The following PRDM6 variants were observed in gnomAD, a reference collection of about 807,000 sequenced individuals.
The protein encoded by PRDM6 is putative histone-lysine N-methyltransferase PRDM6.
A neutral mutation model predicts 60.8 loss-of-function variants in PRDM6; 25 were observed. That is an observed-to-expected ratio of 0.41 (90% CI 0.30 to 0.57). PRDM6 has a LOEUF of 0.57. Among genes scored for constraint, PRDM6 ranks in the 20% least tolerant of loss-of-function variants. PRDM6 has a pLI of 0.27. For missense variants in PRDM6, 839 were observed against 821.3 expected, an observed-to-expected ratio of 1.02 and a Z score of -0.26; for synonymous variants, 407 against 357.4, an observed-to-expected ratio of 1.14 and a Z score of -1.57.
chr5:123,117,366 G>T (rs1186861917), intron 3 of PRDM6, among the ~76,000 whole-genome samples: 1 of 152,162 alleles, frequency 6.6e-6, no homozygotes, highest in African/African-American at 2.4e-5. Context: ...GGATTGTCCT[G>T]CCCTAGAAGG....
At chr5:123,135,205 G>A (rs1277926352) in intron 3 of PRDM6, among the ~76,000 whole-genome samples, 1 of 152,114 alleles carries the variant, frequency 6.6e-6, no homozygotes, top group Non-Finnish European at 1.5e-5. Context: ...CTACACAAGT[G>A]GGAAGTGTTA....
intron 7 of PRDM6, among the ~76,000 whole-genome samples, chr5:123,181,835 G>A (rs904339611): frequency 5.9e-5 from 9 of 152,086 alleles, no homozygotes; most frequent in African/African-American, 2.2e-4. Context: ...AGAGTTCTCT[G>A]GTCTGGGTCC....
chr5:123,105,781 C>T (rs543796750), intron 3 of PRDM6, among the ~76,000 whole-genome samples: 6 of 152,318 alleles, frequency 3.9e-5, no homozygotes, highest in South Asian at 2.1e-4. Flanking sequence ...ATACAGACTT[C>T]GGTATAAGTA....
chr5:123,161,979 A>C (rs1157752768), intron 5 of PRDM6, among the ~76,000 whole-genome samples: 1 of 152,146 alleles, frequency 6.6e-6, no homozygotes, highest in Non-Finnish European at 1.5e-5. Context: ...AGGTGGTGAG[A>C]AGTAGTTGGA....
chr5:123,143,399 G>A (rs1183758621), intron 3 of PRDM6, among the ~76,000 whole-genome samples: 2 of 152,074 alleles, frequency 1.3e-5, no homozygotes, highest in East Asian at 1.9e-4. Context: ...TCAATCCCAC[G>A]TCCTGTCTAG....
At chr5:123,155,541 G>A (rs1348463777) in intron 3 of PRDM6, among the ~76,000 whole-genome samples, 2 of 151,976 alleles carry the variant, frequency 1.3e-5, no homozygotes, top group African/African-American at 4.8e-5. Flanking sequence ...TGTCAGTGCG[G>A]CCTCTCCTTT....
chr5:123,130,174 CCCCTT>C (rs1230344005), intron 3 of PRDM6, among the ~76,000 whole-genome samples: 2,693 of 30,846 alleles, frequency 0.087, 314 homozygotes, highest in Non-Finnish European at 0.11. Context: ...CCCCTCCCCT[CCCCTT>C]CCCTTCCCTT....
At position 123,125,210 on chromosome 5, in the gene PRDM6, A is replaced by G. The variant is rs569600234; in HGVS notation, c.900+25249A>G. On this transcript the variant is annotated intron_variant, in intron 3 of 7. Transcript: ENST00000407847. ...ATGAGTGGCAAAAAAGCCACAGTGC[A>G]TAGATCCCAGGGACTTCAGCTGTGG... 2.7e-5 allele frequency among the ~76,000 whole-genome samples: 4 copies of G among 149,844 alleles called. 1 individual carries two copies. The highest frequency in any genetic ancestry group is 9.9e-5 in the African/African-American group (4 of 40,296).
Position 123,090,522 on chromosome 5 carries a change from G to A in PRDM6, c.508G>A (p.Ala170Thr). Residue 170 changes from alanine to threonine, a missense_variant, in exon 2 of 8, where the codon GCA becomes ACA. Physicochemically the swap from Ala to Thr is moderately conservative, Grantham distance 58 (BLOSUM62 0). Coordinates refer to ENST00000407847, the MANE Select transcript of PRDM6 (RefSeq NM_001136239.4). ...GRGAPRFRCSAEELDYYLYGQ... is the reference protein window; with the variant it reads ...GRGAPRFRCSTEELDYYLYGQ... ...CGGCGCCCCGCGCTTCCGCTGCAGC[G>A]CAGAGGAGCTGGACTATTACCTGTA... is the stretch of plus-strand genomic sequence containing the variant. 4.0e-6 allele frequency: 6 copies of A among 1,504,886 alleles called. No homozygotes were observed. The highest frequency in any genetic ancestry group is 4.4e-6 in the Non-Finnish European group (5 of 1,135,446). 93.2% of individuals were successfully genotyped at this position (1,504,886 alleles called of 1,614,324 possible).
intron 3 of PRDM6, among the ~76,000 whole-genome samples, chr5:123,134,952 C>A (rs412742): frequency 0.72 from 109,781 of 151,510 alleles, 39,930 homozygotes; most frequent in Non-Finnish European, 0.75. Flanking sequence ...ATAAGGACAA[C>A]CAGATCTTAT....
chr5:123,185,856 G>C (rs1766276335), intron 7 of PRDM6, among the ~76,000 whole-genome samples: 1 of 152,138 alleles, frequency 6.6e-6, no homozygotes, highest in African/African-American at 2.4e-5. Context: ...ATGCCTAACA[G>C]ATAACAGGGC....
At chr5:123,093,732 T>C (rs945999570) in intron 2 of PRDM6, among the ~76,000 whole-genome samples, 8 of 152,178 alleles carry the variant, frequency 5.3e-5, no homozygotes, top group Admixed American at 4.6e-4. Flanking sequence ...AGTGGCCTCT[T>C]CCCGGGTTCT....
intron 5 of PRDM6, among the ~76,000 whole-genome samples, chr5:123,161,609 G>A (rs1765633038): frequency 6.6e-6 from 1 of 152,198 alleles, no homozygotes; most frequent in Admixed American, 6.5e-5. Context: ...TAAGTCCCAA[G>A]ATGGGAATGT....
chr5:123,172,848 G>T (rs937026459), intron 6 of PRDM6, among the ~76,000 whole-genome samples: 1 of 152,190 alleles, frequency 6.6e-6, no homozygotes, highest in Non-Finnish European at 1.5e-5. Flanking sequence ...TTCATGGTAG[G>T]TAGATACTGA....
intron 3 of PRDM6, among the ~76,000 whole-genome samples, chr5:123,143,148 A>AGTGTGTGTGTGTGTGT (rs139092433): frequency 0.015 from 2,121 of 145,930 alleles, 30 homozygotes; most frequent in Middle Eastern, 0.025. Flanking sequence ...TAGTTTTTAA[A>AGTGTGTGTGTGTGTGT]GTGTGTGTGT....
chr5:123,165,206 A>T (rs1485296953), intron 5 of PRDM6, among the ~76,000 whole-genome samples: 2 of 152,122 alleles, frequency 1.3e-5, no homozygotes, highest in Non-Finnish European at 2.9e-5. Context: ...CAACATCTTC[A>T]CTTCCATGTC....
chr5:123,164,653 T>G (rs1260695809), intron 5 of PRDM6, among the ~76,000 whole-genome samples: 1 of 152,100 alleles, frequency 6.6e-6, no homozygotes, highest in East Asian at 1.9e-4. Flanking sequence ...ACTAAAAAGG[T>G]GTTGACAGAG....
chr5:123,099,873 G>A lies in PRDM6; in HGVS notation c.812G>A (p.Gly271Asp). Residue 271 changes from glycine to aspartate, a missense_variant, in exon 3 of 8, where the codon GGC becomes GAC. This residue lies in a region of PRDM6 where 730 missense variants were observed against 648.8 expected (regional missense o/e 1.13). Transcript: ENST00000407847. The surrounding 1 kb of genome is among the most constrained non-coding windows in gnomAD (Gnocchi z 4.0). ...TGCGCGGCGCAGAGGATCCAGCAAG[G>A]CACCTGGATTGGACCTTTCCAAGGC... The part of the protein sequence containing the change: ...GICAAQRIQQ[G>D]TWIGPFQGVL... 1 of 1,550,484 alleles carries A rather than the reference G, an allele frequency of 6.4e-7. No individual in the cohort carries two copies.
intron 6 of PRDM6, among the ~76,000 whole-genome samples, chr5:123,172,999 G>A (rs1325990683): frequency 6.6e-6 from 1 of 152,076 alleles, no homozygotes; most frequent in African/African-American, 2.4e-5. Flanking sequence ...AGACCATCCT[G>A]GCTAACACGG....
Sources: allele counts gnomAD v4.1 joint callset (sites outside exome capture counted in the v4.1 genomes callset), GRCh38; gene constraint gnomAD v4.1.1; regional missense constraint gnomAD v4.1.1; non-coding constraint Gnocchi (gnomAD v3.1); transcripts MANE v1.5; gene names NCBI Gene and HGNC (gene_info 2026-07-23, HGNC 2026-07-21).